WASHC4: variants seen among roughly 807,000 people sequenced by gnomAD.
The protein encoded by WASHC4 is WASH complex subunit 7.
A neutral mutation model predicts 166.6 loss-of-function variants in WASHC4; 86 were observed. The ratio of observed to expected loss-of-function variants is 0.52; its 90% confidence interval spans 0.43 to 0.62. WASHC4 has a LOEUF of 0.62. WASHC4 is among the 20% of genes least tolerant of loss of function. The pLI is 0.00. For synonymous variants in WASHC4, 446 were observed against 451.6 expected (o/e 0.99, Z 0.16); for missense variants, 1,262 against 1,382.4 (o/e 0.91, Z 1.38).
At chr12:105,135,638 G>A (rs1282667789) in intron 14 of WASHC4, among the ~76,000 whole-genome samples, 3 of 151,732 alleles carry the variant, frequency 2.0e-5, no homozygotes, top group African/African-American at 4.8e-5. Context: ...TTAACTCTTC[G>A]AGCATTATTT....
intron 2 of WASHC4, among the ~76,000 whole-genome samples, chr12:105,112,685 G>T (rs1350526749): frequency 6.6e-6 from 1 of 152,032 alleles, no homozygotes; most frequent in Non-Finnish European, 1.5e-5. Flanking sequence ...ATGTGCTTAT[G>T]GCCATGTGTC....
intron 13 of WASHC4, among the ~76,000 whole-genome samples, chr12:105,130,582 C>G (rs1881706245): frequency 6.6e-6 from 1 of 152,178 alleles, no homozygotes; most frequent in South Asian, 2.1e-4. Flanking sequence ...ATGATGTGAT[C>G]AGCAGGGCTT....
chr12:105,152,518 A>G lies in WASHC4; in HGVS notation c.2758+67A>G, dbSNP rs3817608. On this transcript the variant is annotated intron_variant, in intron 26 of 32. Transcript: ENST00000332180. ...CTACAGTCTATCTCATATATTAACT[A>G]TTTCACACTAATAAGCAGCTCATGT... 4,550 of 892,856 alleles carry G rather than the reference A, an allele frequency of 5.1e-3. 237 individuals carry two copies. The East Asian group carries it at 0.099, about 19-fold the overall frequency. The allele number at this position is 892,856 out of a possible 1,614,324, so 55.3% of individuals were successfully genotyped here. A position where few individuals can be genotyped will look rare whatever the true frequency, so the allele number is the denominator to read the frequency against.
In WASHC4 at chr12:105,109,596, C is replaced by T. The variant is rs77441807; in HGVS notation, c.62-1529C>T. On this transcript the variant is annotated intron_variant, in intron 1 of 32. Coordinates refer to ENST00000332180, the MANE Select transcript of WASHC4 (RefSeq NM_015275.3). ...GGTTTTCTGTTTCCTGTTTGTGAAT[C>T]CCTGAACATACTAAAGGAGTGATTT... 4.6e-5 allele frequency among the ~76,000 whole-genome samples: 7 copies of T among 151,606 alleles called. No individual in the cohort carries two copies. In the East Asian group the frequency reaches 1.4e-3, roughly 29 times the overall value.
intron 30 of WASHC4, among the ~76,000 whole-genome samples, chr12:105,163,383 C>G (rs1381083504): frequency 6.6e-6 from 1 of 152,208 alleles, no homozygotes; most frequent in Non-Finnish European, 1.5e-5. Flanking sequence ...CACTTGTCCA[C>G]TTTGGCCTAA....
At chr12:105,157,502 G>T (rs1232688979) in intron 28 of WASHC4, among the ~76,000 whole-genome samples, 180 bp downstream of exon 28, 1 of 152,102 alleles carries the variant, frequency 6.6e-6, no homozygotes, top group Admixed American at 6.5e-5. Context: ...TCTAGAACAT[G>T]CTGTCCAGTA....
At chr12:105,139,446 TATATATATATATGC>T (rs1882623885) in intron 15 of WASHC4, among the ~76,000 whole-genome samples, 1 of 145,564 alleles carries the variant, frequency 6.9e-6, no homozygotes, top group Non-Finnish European at 1.5e-5. Context: ...TATATATATA[TATATATATATATGC>T]CTCCCACAAT....
chr12:105,164,594 A>G (rs763798150), intron 31 of WASHC4, 47 bp from the exon 32 acceptor site: 6 of 1,331,392 alleles, frequency 4.5e-6, no homozygotes, highest in South Asian at 1.2e-5. Flanking sequence ...GTATTTTGCC[A>G]TAATAAGTAT....
At chr12:105,108,165 G>C (rs554816699) in intron 1 of WASHC4, among the ~76,000 whole-genome samples, 45 of 152,298 alleles carry the variant, frequency 3.0e-4, no homozygotes, top group Admixed American at 6.5e-4. Flanking sequence ...TGGGCGGGGC[G>C]CGCCCGGGAG....
At chr12:105,139,645 T>G (rs565316802) in intron 15 of WASHC4, among the ~76,000 whole-genome samples, 2 of 151,752 alleles carry the variant, frequency 1.3e-5, no homozygotes, top group Admixed American at 1.3e-4. Flanking sequence ...TTAACTATGT[T>G]TCTTCTTTTG....
chr12:105,138,806 A>G (rs1290457018), intron 15 of WASHC4, among the ~76,000 whole-genome samples: 1 of 152,152 alleles, frequency 6.6e-6, no homozygotes, highest in Admixed American at 6.5e-5. Flanking sequence ...AGACAAGTAT[A>G]TGTGTATGTT....
rs1278509830 is a variant in WASHC4, at chr12:105,115,716, T to C, written c.423T>C (p.Ile141=). ...GCCAAATTCAAATGGGGAGATTTAT[T>C]TCATTCTTACAGGTAACTGATTTTT... The part of the protein sequence containing the change: ...GDCQIQMGRF[I]SFLQELSCFV... The change falls in exon 6 of 33, where the codon ATT becomes ATC. Residue 141 remains isoleucine (I), a synonymous_variant. Transcript: ENST00000332180. The C allele has an allele frequency of 4.4e-6, 7 of 1,605,514 alleles. No homozygotes were observed. The highest frequency in any genetic ancestry group is 6.0e-6 in the Non-Finnish European group (7 of 1,172,356).
chr12:105,116,975 G>T (rs191279799), intron 6 of WASHC4, among the ~76,000 whole-genome samples: 7 of 152,266 alleles, frequency 4.6e-5, no homozygotes, highest in Admixed American at 3.9e-4. Flanking sequence ...TTCCAGCAAG[G>T]TGTCTAAAAA....
chr12:105,117,800 G>A (rs1015600526), intron 6 of WASHC4, among the ~76,000 whole-genome samples: 1 of 152,106 alleles, frequency 6.6e-6, no homozygotes, highest in African/African-American at 2.4e-5. Context: ...GATACACACT[G>A]TTTCTATAGG....
chr12:105,127,520 GTACA>G (rs1881398425), intron 13 of WASHC4, among the ~76,000 whole-genome samples: 1 of 152,076 alleles, frequency 6.6e-6, no homozygotes, highest in Non-Finnish European at 1.5e-5. Flanking sequence ...ATACAAATGC[GTACA>G]TACATAGTTT....
intron 21 of WASHC4, 37 bp downstream of exon 21, chr12:105,144,492 C>A: frequency 3.0e-6 from 4 of 1,338,738 alleles, no homozygotes; most frequent in Non-Finnish European, 4.1e-6. Context: ...GTCATATTCT[C>A]TTTTTTTTTT....
In WASHC4 at chr12:105,149,764, C is replaced by G. The variant is rs953722607; in HGVS notation, c.2649+15C>G. The stretch of plus-strand genomic sequence containing the variant: ...ATGATCATAAGGTAGGCTACCTATT[C>G]TTTTTAAGGTATTTGATTAAGCTAT... On this transcript the variant is annotated intron_variant, in intron 25 of 32. Transcript: ENST00000332180. The G allele has an allele frequency of 6.3e-6, 10 of 1,584,848 alleles. 1 individual carries two copies. The highest frequency in any genetic ancestry group is 1.7e-5 in the Admixed American group (1 of 58,010).
At chr12:105,152,745 T>C (rs1427384527) in intron 26 of WASHC4, among the ~76,000 whole-genome samples, 1 of 152,208 alleles carries the variant, frequency 6.6e-6, no homozygotes, top group Non-Finnish European at 1.5e-5. Flanking sequence ...AAGTACTTAC[T>C]GAATACCTGC....
At chr12:105,112,179 T>A (rs1879752519) in intron 2 of WASHC4, among the ~76,000 whole-genome samples, 1 of 152,216 alleles carries the variant, frequency 6.6e-6, no homozygotes, top group Non-Finnish European at 1.5e-5. Context: ...TGCTGGCTTC[T>A]TTAACTTATG....
Sources: allele counts gnomAD v4.1 joint callset (sites outside exome capture counted in the v4.1 genomes callset), GRCh38; gene constraint gnomAD v4.1.1; transcripts MANE v1.5; gene names NCBI Gene and HGNC (gene_info 2026-07-23, HGNC 2026-07-21).